The following LRRC49 variants were observed in gnomAD, a reference collection of about 807,000 sequenced individuals.
LRRC49 encodes the protein leucine rich repeat containing 49, also known as leucine-rich repeat-containing protein 49.
A neutral mutation model predicts 83.3 loss-of-function variants in LRRC49; 50 were observed. The observed-to-expected ratio is 0.60, with a 90% CI of 0.48 to 0.76. The LOEUF is 0.76. Among genes scored for constraint, LRRC49 ranks in the 30% least tolerant of loss-of-function variants. The pLI, the probability that LRRC49 is intolerant of heterozygous loss-of-function variation, is 0.00. For missense variants in LRRC49, 704 were observed against 809.1 expected, an observed-to-expected ratio of 0.87 and a Z score of 1.58; for synonymous variants, 286 against 283.3, an observed-to-expected ratio of 1.01 and a Z score of -0.10.
At chr15:70,966,261 G>A (rs560519858) in intron 9 of LRRC49, among the ~76,000 whole-genome samples, 28 of 152,060 alleles carry the variant, frequency 1.8e-4, no homozygotes, top group Non-Finnish European at 3.4e-4. Flanking sequence ...CCTAAACTGC[G>A]TGCAGAGGAT....
At chr15:71,007,520 C>A (rs566774121) in intron 11 of LRRC49, among the ~76,000 whole-genome samples, 2 of 151,764 alleles carry the variant, frequency 1.3e-5, no homozygotes, top group South Asian at 4.2e-4. Flanking sequence ...GAAACAAAAA[C>A]CATGCTTTGT....
intron 9 of LRRC49, among the ~76,000 whole-genome samples, chr15:70,966,818 G>A (rs80093377): frequency 0.023 from 3,546 of 152,188 alleles, 142 homozygotes; most frequent in African/African-American, 0.08. Flanking sequence ...AGACAGTAGA[G>A]ATGAAAAGAT....
intron 11 of LRRC49, among the ~76,000 whole-genome samples, chr15:70,990,445 G>A (rs578157729): frequency 3.7e-4 from 57 of 152,280 alleles, no homozygotes; most frequent in Non-Finnish European, 2.4e-4. Context: ...AGCCAGGTGC[G>A]GGATATAATC....
intron 11 of LRRC49, among the ~76,000 whole-genome samples, chr15:71,000,889 C>T (rs1005942681): frequency 2.6e-5 from 4 of 151,744 alleles, no homozygotes; most frequent in Non-Finnish European, 5.9e-5. Flanking sequence ...TATTTCTGTC[C>T]TCTCAACCTC....
rs2035875212 is a variant in LRRC49, at chr15:70,942,941, T to C, written c.773+6119T>C. Among the ~76,000 whole-genome samples, 3 of 152,378 alleles carry C rather than the reference T, an allele frequency of 2.0e-5. No individual in the cohort carries two copies. The South Asian group carries it at 6.2e-4, about 32-fold the overall frequency. The stretch of plus-strand genomic sequence containing the variant: ...TTTAAAAATCTATATAAATAGCTGT[T>C]TTAAAGTTCTTATCTACTAATTCCA... On this transcript the variant is annotated intron_variant, in intron 8 of 15. Transcript: ENST00000260382.
chr15:70,878,225 A>T (rs1026652877), intron 2 of LRRC49, among the ~76,000 whole-genome samples: 1 of 152,110 alleles, frequency 6.6e-6, no homozygotes, highest in Non-Finnish European at 1.5e-5. Context: ...TTTTAATCTC[A>T]GTTTCCAATT....
chr15:70,996,517 A>G (rs1437784889), intron 11 of LRRC49, among the ~76,000 whole-genome samples: 2 of 152,112 alleles, frequency 1.3e-5, no homozygotes, highest in African/African-American at 4.8e-5. Flanking sequence ...TTTAAGTGGT[A>G]TCTTACTGGC....
chr15:71,020,336 G>A (rs753167996), intron 14 of LRRC49, among the ~76,000 whole-genome samples: 5 of 152,168 alleles, frequency 3.3e-5, no homozygotes, highest in Admixed American at 6.6e-5. Context: ...GGAGGATAAA[G>A]TGAGTTGGGA....
Position 70,904,540 on chromosome 15 carries a change from C to T in LRRC49, c.297-12C>T, listed in dbSNP as rs763242918. ...AATCATAACCTAATTAACTTTTTAA[C>T]ATTTTTTCTAGACAAAAGCTGACCG... On this transcript the variant is annotated splice_polypyrimidine_tract_variant and intron_variant, in intron 4 of 15. Coordinates refer to ENST00000260382, the MANE Select transcript of LRRC49 (RefSeq NM_017691.5). The T allele has an allele frequency of 6.3e-7, 1 of 1,595,356 alleles. No individual in the cohort carries two copies. Among genetic ancestry groups the T allele is most frequent in the Non-Finnish European group, 8.6e-7 (1 of 1,165,326 alleles).
chr15:70,867,130 CT>C (rs2032931442), intron 1 of LRRC49, among the ~76,000 whole-genome samples: 1 of 151,526 alleles, frequency 6.6e-6, no homozygotes, highest in Non-Finnish European at 1.5e-5. Flanking sequence ...TCTCTCATTC[CT>C]TTCACCCTCT....
upstream of LRRC49, among the ~76,000 whole-genome samples, chr15:70,890,589 G>A (rs2033528439): frequency 6.6e-6 from 1 of 152,120 alleles, no homozygotes; most frequent in African/African-American, 2.4e-5. Context: ...TTATTTCATG[G>A]CAATTATGGT....
chr15:71,013,631 G>A (rs1309599944), intron 14 of LRRC49, among the ~76,000 whole-genome samples: 1 of 152,200 alleles, frequency 6.6e-6, no homozygotes, highest in Non-Finnish European at 1.5e-5. Context: ...AACTGACGAG[G>A]TGGAGCATGG....
At chr15:70,974,932 TC>T (rs2037153511) in intron 9 of LRRC49, among the ~76,000 whole-genome samples, 1 of 152,166 alleles carries the variant, frequency 6.6e-6, no homozygotes. Context: ...GCAAAACAAT[TC>T]TTAGCACAAA....
In LRRC49 at chr15:71,049,919, A is replaced by G; in HGVS notation, c.*307A>G. The G allele has an allele frequency of 4.4e-6, 1 of 228,810 alleles. No homozygotes were observed. Among genetic ancestry groups the G allele is most frequent in the Non-Finnish European group, 8.4e-6 (1 of 119,054 alleles). 14.2% of individuals were successfully genotyped at this position (228,810 alleles called of 1,614,324 possible). ...TTGGTGCCCTGCTATAGCCCAAAGC[A>G]CGTAGTATTTGCTGATGATTCAGCA... is the stretch of plus-strand genomic sequence containing the variant. On this transcript the variant is annotated 3_prime_UTR_variant, in exon 16 of 16. Coordinates refer to ENST00000260382, the MANE Select transcript of LRRC49 (RefSeq NM_017691.5).
intron 15 of LRRC49, among the ~76,000 whole-genome samples, chr15:71,045,551 A>G (rs2039829635): frequency 6.6e-6 from 1 of 152,198 alleles, no homozygotes. Context: ...GGTAAAACTT[A>G]TATACTGAAA....
At chr15:70,917,477 C>T (rs1190411281) in intron 6 of LRRC49, among the ~76,000 whole-genome samples, 1 of 152,162 alleles carries the variant, frequency 6.6e-6, no homozygotes, top group Non-Finnish European at 1.5e-5. Flanking sequence ...ACTCTAGGGC[C>T]CTCTCTCTGT....
intron 2 of LRRC49, chr15:70,882,746 A>G (rs773506483): frequency 8.1e-6 from 13 of 1,613,874 alleles, no homozygotes; most frequent in Middle Eastern, 1.6e-4. Flanking sequence ...AATCCATTGA[A>G]GAGTCAAAAC....
chr15:70,984,240 A>G lies in LRRC49; in HGVS notation c.1152A>G (p.Ala384=), dbSNP rs781593190. The change falls in exon 11 of 16, where the codon GCA becomes GCG. Residue 384 remains alanine, a synonymous_variant. Transcript: ENST00000260382. ...PCQIDGSTLS[A]FPEETGPLDS... ...AGATTGATGGAAGCACCCTCTCTGC[A>G]TTCCCAGAGGAAACAGGGTATGCAA... The G allele has an allele frequency of 1.9e-6, 3 of 1,611,982 alleles. No homozygotes were observed. The highest frequency in any genetic ancestry group is 2.5e-6 in the Non-Finnish European group (3 of 1,178,882).
intron 10 of LRRC49, among the ~76,000 whole-genome samples, chr15:70,982,207 T>C (rs2037426747): frequency 6.6e-6 from 1 of 152,168 alleles, no homozygotes; most frequent in Non-Finnish European, 1.5e-5. Flanking sequence ...TAAGCACTGC[T>C]TTATCTATGT....
Sources: gnomAD v4.1 joint callset for allele counts (sites outside exome capture counted in the v4.1 genomes callset) on GRCh38, gnomAD v4.1.1 for gene constraint, MANE v1.5 for transcripts, NCBI Gene and HGNC (gene_info 2026-07-23, HGNC 2026-07-21) for gene names.